WDR7: variants seen among roughly 807,000 people sequenced by gnomAD.
The protein encoded by WDR7 is WD repeat-containing protein 7.
A neutral mutation model predicts 169.4 loss-of-function variants in WDR7; 46 were observed. The ratio of observed to expected loss-of-function variants is 0.27; its 90% CI spans 0.21 to 0.35. The LOEUF (loss-of-function observed/expected upper bound fraction) is 0.35, where lower values mean the gene tolerates loss of function less well. Among genes scored for constraint, WDR7 ranks in the 10% least tolerant of loss-of-function variants. The pLI, the probability that WDR7 is intolerant of heterozygous loss-of-function variation, is 1.00. For missense variants in WDR7, 1,534 were observed against 1,859.3 expected, an observed-to-expected ratio of 0.83 and a Z score of 3.22; for synonymous variants, 612 against 666.8, an observed-to-expected ratio of 0.92 and a Z score of 1.27.
intron 12 of WDR7, among the ~76,000 whole-genome samples, chr18:56,700,789 T>G (rs1440133347): frequency 6.6e-6 from 1 of 151,662 alleles, no homozygotes; most frequent in African/African-American, 2.4e-5. Context: ...CAGGATGGTC[T>G]CGATCTCCTG....
chr18:56,982,250 G>A (rs1372186890), intron 26 of WDR7, among the ~76,000 whole-genome samples: 2 of 152,152 alleles, frequency 1.3e-5, no homozygotes, highest in African/African-American at 2.4e-5. Flanking sequence ...AAATTTGGTG[G>A]ATTTCAAAGG....
At chr18:56,927,660 GA>G (rs2046825888) in intron 22 of WDR7, among the ~76,000 whole-genome samples, 1 of 151,976 alleles carries the variant, frequency 6.6e-6, no homozygotes, top group Non-Finnish European at 1.5e-5. Context: ...CTTTATTTTA[GA>G]AACATGATAT....
At chr18:56,936,081 G>A (rs74820991) in intron 23 of WDR7, 176 bp downstream of exon 23, 11,417 of 549,392 alleles carry the variant, frequency 0.021, 972 homozygotes, top group African/African-American at 0.19. Context: ...TGAATTCCAC[G>A]GTGTGGTGCA....
intron 25 of WDR7, among the ~76,000 whole-genome samples, chr18:56,958,280 C>T (rs1483217605): frequency 6.6e-6 from 1 of 152,154 alleles, no homozygotes; most frequent in African/African-American, 2.4e-5. Flanking sequence ...ACAAATACAT[C>T]TCGGAAGAAC....
chr18:56,826,283 C>T (rs2045202847), intron 20 of WDR7, among the ~76,000 whole-genome samples: 1 of 95,424 alleles, frequency 1.0e-5, no homozygotes, highest in African/African-American at 2.9e-5. Flanking sequence ...AAAGTAATGA[C>T]AACAATGTCT....
intron 25 of WDR7, among the ~76,000 whole-genome samples, chr18:56,939,699 A>G (rs2047008640): frequency 6.6e-6 from 1 of 152,096 alleles, no homozygotes; most frequent in African/African-American, 2.4e-5. Flanking sequence ...ACATTATACA[A>G]TTGAGTTAGG....
intron 18 of WDR7, among the ~76,000 whole-genome samples, chr18:56,781,044 A>C (rs1599038136): frequency 6.6e-6 from 1 of 152,238 alleles, no homozygotes; most frequent in East Asian, 1.9e-4. Flanking sequence ...GGTATACGTG[A>C]ATCATGTTAA....
chr18:56,970,076 A>G (rs1026845172), intron 26 of WDR7, among the ~76,000 whole-genome samples: 1 of 152,206 alleles, frequency 6.6e-6, no homozygotes, highest in Non-Finnish European at 1.5e-5. Context: ...TATATGTAAA[A>G]TAAATATCAA....
At chr18:57,004,169 T>G (rs1490574983) in intron 26 of WDR7, among the ~76,000 whole-genome samples, 1 of 152,066 alleles carries the variant, frequency 6.6e-6, no homozygotes, top group Non-Finnish European at 1.5e-5. Flanking sequence ...AATGAATGTC[T>G]CCCTGATTTT....
At chr18:56,843,497 G>C (rs1025374886) in intron 20 of WDR7, among the ~76,000 whole-genome samples, 2 of 152,154 alleles carry the variant, frequency 1.3e-5, no homozygotes, top group Admixed American at 6.5e-5. Context: ...ACTTAGCATA[G>C]TGGCTTTAAG....
chr18:56,880,204 G>A (rs1299304976), intron 21 of WDR7, 39 bp downstream of exon 21: 1 of 1,573,930 alleles, frequency 6.4e-7, no homozygotes, highest in African/African-American at 1.4e-5. Flanking sequence ...TGTTGCTTCT[G>A]AATACATATT....
chr18:56,687,112 A>G, intron 7 of WDR7, 138 bp downstream of exon 7: 1 of 871,060 alleles, frequency 1.1e-6, no homozygotes, highest in Non-Finnish European at 1.7e-6. Flanking sequence ...TTTTGATATC[A>G]CATTTTGAGA....
At chr18:56,653,915 A>T (rs1402560613) in intron 1 of WDR7, among the ~76,000 whole-genome samples, 1 of 152,140 alleles carries the variant, frequency 6.6e-6, no homozygotes, top group African/African-American at 2.4e-5. Context: ...TTTGGTTTTC[A>T]TATATTTTAT....
At chr18:56,957,819 AG>A (rs757696455) in intron 25 of WDR7, among the ~76,000 whole-genome samples, 7 of 152,252 alleles carry the variant, frequency 4.6e-5, no homozygotes, top group Middle Eastern at 6.8e-3. Context: ...GATTAATTGA[AG>A]AGTGTTTCTT....
At chr18:57,009,413 G>A (rs183241270) in intron 26 of WDR7, among the ~76,000 whole-genome samples, 145 of 152,164 alleles carry the variant, frequency 9.5e-4, no homozygotes, top group African/African-American at 3.2e-3. Context: ...TAGGTTTTGG[G>A]GGAACAGGTG....
At chr18:57,023,381 G>A (rs2048317006) in intron 27 of WDR7, among the ~76,000 whole-genome samples, 1 of 152,174 alleles carries the variant, frequency 6.6e-6, no homozygotes, top group African/African-American at 2.4e-5. Context: ...AAAGCTATCA[G>A]CTATTAAAAT....
intron 1 of WDR7, among the ~76,000 whole-genome samples, chr18:56,654,771 A>G (rs1014609186): frequency 2.0e-5 from 3 of 152,202 alleles, no homozygotes; most frequent in Admixed American, 1.3e-4. Flanking sequence ...TTACTCTGCT[A>G]TGTTATGTAC....
At chr18:56,840,535 G>A (rs1295298767) in intron 20 of WDR7, among the ~76,000 whole-genome samples, 1 of 152,118 alleles carries the variant, frequency 6.6e-6, no homozygotes. Context: ...AAAAGACCAT[G>A]TTTGACTGGA....
intron 20 of WDR7, among the ~76,000 whole-genome samples, chr18:56,872,334 T>C (rs992833262): frequency 6.6e-6 from 1 of 152,172 alleles, no homozygotes; most frequent in African/African-American, 2.4e-5. Flanking sequence ...GACCTCTTGG[T>C]TGCACTCTCT....
Sources: allele counts gnomAD v4.1 joint callset (sites outside exome capture counted in the v4.1 genomes callset), GRCh38; gene constraint gnomAD v4.1.1; transcripts MANE v1.5; gene names NCBI Gene and HGNC (gene_info 2026-07-23, HGNC 2026-07-21).